The following SCEL variants were observed in gnomAD, a reference collection of about 807,000 sequenced individuals.
SCEL encodes the protein sciellin.
Under a neutral mutation model 117.6 loss-of-function variants are expected in SCEL, and 113 were observed. The ratio of observed to expected loss-of-function variants is 0.96; its 90% confidence interval spans 0.83 to 1.12. The LOEUF is 1.12. Among genes scored for constraint, SCEL ranks in the 50% most tolerant of loss-of-function variants. The pLI, the probability that SCEL is intolerant of heterozygous loss-of-function variation, is 0.00. For synonymous variants in SCEL, 270 were observed against 256.2 expected (o/e 1.05, Z -0.51); for missense variants, 785 against 810.8 (o/e 0.97, Z 0.39).
chr13:77,606,977 C>T (rs568068568), intron 19 of SCEL, among the ~76,000 whole-genome samples: 6 of 152,238 alleles, frequency 3.9e-5, no homozygotes, highest in South Asian at 4.2e-4. Flanking sequence ...GATCAGAAAC[C>T]GAGGTATACT....
chr13:77,544,606 G>A (rs1280156586), intron 1 of SCEL, among the ~76,000 whole-genome samples: 2 of 152,210 alleles, frequency 1.3e-5, no homozygotes, highest in Non-Finnish European at 2.9e-5. Context: ...GGGACAAGAG[G>A]AGCTGGGGCT....
At chr13:77,555,120 G>A (rs546748612) in intron 1 of SCEL, among the ~76,000 whole-genome samples, 6 of 152,242 alleles carry the variant, frequency 3.9e-5, no homozygotes, top group African/African-American at 1.4e-4. Context: ...TTAAATTTGT[G>A]TGTGTGTGTA....
intron 9 of SCEL, among the ~76,000 whole-genome samples, chr13:77,583,402 T>A (rs892256253): frequency 6.6e-6 from 1 of 152,198 alleles, no homozygotes; most frequent in African/African-American, 2.4e-5. Flanking sequence ...CGAGGCATCA[T>A]CACAGTAACC....
intron 12 of SCEL, among the ~76,000 whole-genome samples, chr13:77,595,330 C>G (rs112389551): frequency 5.9e-5 from 9 of 152,066 alleles, no homozygotes; most frequent in African/African-American, 2.2e-4. Flanking sequence ...TTTAGTTATC[C>G]GAGCTGCTCT....
At chr13:77,612,522 G>T (rs2088731243) in intron 22 of SCEL, among the ~76,000 whole-genome samples, 1 of 143,934 alleles carries the variant, frequency 6.9e-6, no homozygotes, top group Admixed American at 7.0e-5. Flanking sequence ...TTGGAAGAAG[G>T]GGAGCAAGGA....
At chr13:77,573,600 A>G (rs113450802) in intron 9 of SCEL, among the ~76,000 whole-genome samples, 2 of 123,602 alleles carry the variant, frequency 1.6e-5, no homozygotes, top group Admixed American at 7.6e-5. Context: ...GTCAATAGAC[A>G]CAAAGAGCTC....
chr13:77,574,468 G>A (rs983584199), intron 9 of SCEL, among the ~76,000 whole-genome samples: 2 of 152,156 alleles, frequency 1.3e-5, no homozygotes, highest in Admixed American at 6.5e-5. Flanking sequence ...ATGGCTAAAC[G>A]AAAAGACTTC....
intron 5 of SCEL, among the ~76,000 whole-genome samples, chr13:77,567,002 C>T (rs751280380): frequency 6.6e-6 from 1 of 151,934 alleles, no homozygotes; most frequent in Non-Finnish European, 1.5e-5. Context: ...ATTGTTTATG[C>T]CACAAACCTT....
Position 77,615,604 on chromosome 13 carries a change from T to TAAATAA in SCEL, c.1451+1653_1451+1658dup, listed in dbSNP as rs1567422317. On this transcript the variant is annotated intron_variant, in intron 24 of 32. Coordinates refer to ENST00000349847, the MANE Select transcript of SCEL (RefSeq NM_144777.3). ...CCTTTACTACATTCTTAAAGCTAAA[T>TAAATAA]AAATAAAAACAGTAACTTGAGAGAA... Among the ~76,000 whole-genome samples the TAAATAA allele has an allele frequency of 2.0e-5, 3 of 152,168 alleles. No individual in the cohort carries two copies. In the East Asian group the frequency reaches 5.8e-4, roughly 29 times the overall value.
chr13:77,577,836 C>T (rs2086038164), intron 9 of SCEL, among the ~76,000 whole-genome samples: 2 of 152,158 alleles, frequency 1.3e-5, no homozygotes, highest in Non-Finnish European at 2.9e-5. Context: ...TGTTTCTCTG[C>T]AGGCCTTAAC....
intron 31 of SCEL, 106 bp from the exon 32 acceptor site, chr13:77,642,600 A>G: frequency 1.7e-6 from 1 of 591,160 alleles, no homozygotes; most frequent in Non-Finnish European, 2.8e-6. Context: ...CTTCAGTGAT[A>G]AACATCCCTT....
chr13:77,592,405 G>T (rs894483222), intron 11 of SCEL, among the ~76,000 whole-genome samples: 1 of 152,146 alleles, frequency 6.6e-6, no homozygotes, highest in Non-Finnish European at 1.5e-5. Flanking sequence ...TTCTGCCACA[G>T]AACTTTTCAG....
chr13:77,564,610 T>C (rs1433588519), intron 5 of SCEL, among the ~76,000 whole-genome samples: 1 of 151,976 alleles, frequency 6.6e-6, no homozygotes, highest in African/African-American at 2.4e-5. Context: ...TTAATAGGAG[T>C]CTTTTGGACT....
intron 15 of SCEL, 30 bp from the exon 16 acceptor site, chr13:77,602,035 T>C (rs751575495): frequency 1.3e-6 from 2 of 1,585,076 alleles, no homozygotes; most frequent in Non-Finnish European, 1.7e-6. Context: ...CACTCTCTCT[T>C]TCTCTTTCTT....
chr13:77,581,837 A>G (rs1231074099), intron 9 of SCEL, among the ~76,000 whole-genome samples: 1 of 152,192 alleles, frequency 6.6e-6, no homozygotes, highest in African/African-American at 2.4e-5. Flanking sequence ...CAGTTATATA[A>G]ACCAGGTTTC....
At chr13:77,589,084 T>A in intron 9 of SCEL, 60 bp from the exon 10 acceptor site, 1 of 1,246,052 alleles carries the variant, frequency 8.0e-7, no homozygotes, top group South Asian at 1.2e-5. Context: ...ATTCAGTTAA[T>A]AGATGCTAAA....
chr13:77,632,470 T>A (rs930200693), intron 28 of SCEL, among the ~76,000 whole-genome samples: 1 of 152,222 alleles, frequency 6.6e-6, no homozygotes, highest in African/African-American at 2.4e-5. Flanking sequence ...TAATATTAAT[T>A]CCACCTTCTC....
Position 77,591,394 on chromosome 13 carries a change from G to A in SCEL, c.627-1G>A. 6.4e-7 allele frequency: 1 copy of A among 1,559,878 alleles called. No homozygotes were observed. The highest frequency in any genetic ancestry group is 8.8e-7 in the Non-Finnish European group (1 of 1,133,714). ...ATAATCTTCTAACTTTGAAAATATA[G>A]GCAGATACATCCACCTAAACCAGGT... On this transcript the variant is annotated splice_acceptor_variant, in intron 10 of 32. Coordinates refer to ENST00000349847, the MANE Select transcript of SCEL (RefSeq NM_144777.3). LOFTEE classifies it high-confidence loss of function.
intron 1 of SCEL, among the ~76,000 whole-genome samples, chr13:77,547,891 A>AT (rs1200435130): frequency 6.6e-6 from 1 of 152,194 alleles, no homozygotes; most frequent in Non-Finnish European, 1.5e-5. Flanking sequence ...TTCATCCCAG[A>AT]ACCTCTGGGA....
Sources: gnomAD v4.1 joint callset for allele counts (sites outside exome capture counted in the v4.1 genomes callset) on GRCh38, gnomAD v4.1.1 for gene constraint, MANE v1.5 for transcripts, NCBI Gene and HGNC (gene_info 2026-07-23, HGNC 2026-07-21) for gene names.